Variants in ASPH observed in about 807,000 individuals in gnomAD.
ASPH encodes aspartyl/asparaginyl beta-hydroxylase.
A neutral mutation model predicts 118.4 loss-of-function variants in ASPH; 100 were observed. That is an observed-to-expected ratio of 0.84 (90% CI 0.72 to 1.00). The LOEUF (loss-of-function observed/expected upper bound fraction) is 1.00, where lower values mean the gene tolerates loss of function less well. Among genes scored for constraint, ASPH ranks in the 50% least tolerant of loss-of-function variants. ASPH has a pLI of 0.00. For synonymous variants in ASPH, 315 were observed against 325.6 expected, an observed-to-expected ratio of 0.97 and a Z score of 0.35; for missense variants, 920 against 919.5, an observed-to-expected ratio of 1.00 and a Z score of -0.01.
Position 61,714,538 on chromosome 8 carries a change from C to G in ASPH, c.-167G>C. The G allele has an allele frequency of 9.6e-7, 1 of 1,045,342 alleles. No homozygotes were observed. Among genetic ancestry groups the G allele is most frequent in the Admixed American group, 4.3e-5 (1 of 23,392 alleles). 64.8% of individuals were successfully genotyped at this position (1,045,342 alleles called of 1,614,324 possible). ...GCACCGCCTGCAGCACCTGGGAAGACTTCACCCGCCTGCCGGCTGCGCGCG... is the reference window on the plus strand; with the variant it reads ...GCACCGCCTGCAGCACCTGGGAAGAGTTCACCCGCCTGCCGGCTGCGCGCG... On this transcript the variant is annotated 5_prime_UTR_variant, in exon 1 of 25. Coordinates refer to ENST00000379454, the MANE Select transcript of ASPH (RefSeq NM_004318.4).
intron 14 of ASPH, among the ~76,000 whole-genome samples, chr8:61,593,517 C>T (rs1415479503): frequency 1.3e-5 from 2 of 152,216 alleles, no homozygotes; most frequent in Admixed American, 1.3e-4. Flanking sequence ...CTAACTTATA[C>T]AACCCAGTAA....
intron 3 of ASPH, 112 bp downstream of exon 3, chr8:61,680,856 G>A: frequency 1.3e-6 from 1 of 790,634 alleles, no homozygotes; most frequent in South Asian, 2.8e-5. Flanking sequence ...ATGATTTAAG[G>A]GAGAAAAGTC....
At chr8:61,683,094 T>C (rs1215625683) in intron 2 of ASPH, among the ~76,000 whole-genome samples, 1 of 152,066 alleles carries the variant, frequency 6.6e-6, no homozygotes, top group African/African-American at 2.4e-5. Context: ...CAAAAGATCA[T>C]ATAATGTATG....
At chr8:61,681,793 A>G (rs933294084) in intron 2 of ASPH, among the ~76,000 whole-genome samples, 3 of 151,930 alleles carry the variant, frequency 2.0e-5, no homozygotes, top group African/African-American at 7.2e-5. Flanking sequence ...AAACGTTTTT[A>G]GGCTTTAGTG....
intron 14 of ASPH, among the ~76,000 whole-genome samples, chr8:61,615,150 G>T (rs190650544): frequency 6.6e-6 from 1 of 152,086 alleles, no homozygotes; most frequent in African/African-American, 2.4e-5. Context: ...ATGCACTCCT[G>T]CACTCTCCCC....
intron 14 of ASPH, among the ~76,000 whole-genome samples, chr8:61,614,412 A>T (rs1218332376): frequency 6.6e-6 from 1 of 152,214 alleles, no homozygotes; most frequent in Non-Finnish European, 1.5e-5. Flanking sequence ...ACCTTTGATA[A>T]TATACTAAAT....
intron 13 of ASPH, among the ~76,000 whole-genome samples, chr8:61,622,323 C>T (rs935652029): frequency 2.0e-5 from 3 of 152,150 alleles, no homozygotes; most frequent in African/African-American, 4.8e-5. Context: ...GGTGACAGGG[C>T]GAGACTCTGA....
intron 10 of ASPH, among the ~76,000 whole-genome samples, chr8:61,642,039 T>A (rs1363110466): frequency 6.6e-6 from 1 of 152,208 alleles, no homozygotes; most frequent in Non-Finnish European, 1.5e-5. Flanking sequence ...GAAAATAAAA[T>A]CTACTTCATG....
intron 17 of ASPH, among the ~76,000 whole-genome samples, chr8:61,564,690 T>G (rs1177500480): frequency 6.6e-6 from 1 of 152,228 alleles, no homozygotes; most frequent in African/African-American, 2.4e-5. Context: ...GTGCTGCATG[T>G]TTTTGTTCTG....
chr8:61,657,916 T>A (rs956072369), intron 3 of ASPH: 1 of 152,220 alleles, frequency 6.6e-6, no homozygotes, highest in African/African-American at 2.4e-5. Context: ...AATTCAAAGG[T>A]GTACAGATGA....
At chr8:61,622,318 C>T (rs759949709) in intron 13 of ASPH, among the ~76,000 whole-genome samples, 1 of 152,170 alleles carries the variant, frequency 6.6e-6, no homozygotes, top group Non-Finnish European at 1.5e-5. Context: ...AGTCTGGTGA[C>T]AGGGCGAGAC....
intron 13 of ASPH, among the ~76,000 whole-genome samples, chr8:61,627,780 T>A (rs1461933631): frequency 6.6e-6 from 1 of 152,132 alleles, no homozygotes; most frequent in Non-Finnish European, 1.5e-5. Context: ...GAAGACCCCA[T>A]TCAGAAGTGG....
intron 13 of ASPH, among the ~76,000 whole-genome samples, chr8:61,619,654 C>T (rs1850225260): frequency 6.6e-6 from 1 of 152,166 alleles, no homozygotes; most frequent in Admixed American, 6.5e-5. Context: ...CCACCAACAG[C>T]CTAGACTAGC....
chr8:61,586,845 T>G (rs1264189194), intron 14 of ASPH, among the ~76,000 whole-genome samples: 1 of 152,140 alleles, frequency 6.6e-6, no homozygotes, highest in African/African-American at 2.4e-5. Flanking sequence ...AACTTGAAGT[T>G]CAGTTTCACT....
At chr8:61,698,969 A>G (rs1441576663) in intron 1 of ASPH, among the ~76,000 whole-genome samples, 9 of 152,212 alleles carry the variant, frequency 5.9e-5, no homozygotes, top group Admixed American at 5.9e-4. Flanking sequence ...TGGTTACTTC[A>G]GTGGGGTCTC....
intron 2 of ASPH, 34 bp from the exon 3 acceptor site, chr8:61,681,070 A>G: frequency 1.3e-6 from 2 of 1,509,570 alleles, no homozygotes; most frequent in South Asian, 2.6e-5. Context: ...ATATGGGAAT[A>G]AAAAAGAAAA....
At chr8:61,597,838 G>T (rs1842884506) in intron 14 of ASPH, among the ~76,000 whole-genome samples, 1 of 152,164 alleles carries the variant, frequency 6.6e-6, no homozygotes. Flanking sequence ...AAAACTGACA[G>T]AATTTATCAC....
In ASPH at chr8:61,633,744, A is replaced by C. The variant is rs760279423; in HGVS notation, c.890-17T>G. The C allele has an allele frequency of 5.7e-6, 9 of 1,571,814 alleles. No individual in the cohort carries two copies. The highest frequency in any genetic ancestry group is 7.8e-6 in the Non-Finnish European group (9 of 1,151,344). ...TGCTTACTTCTAAAATAAATAATAA[A>C]GTTATAATCTGTTACATATTGCTGA... On this transcript the variant is annotated splice_polypyrimidine_tract_variant and intron_variant, in intron 12 of 24. Coordinates refer to ENST00000379454, the MANE Select transcript of ASPH (RefSeq NM_004318.4).
chr8:61,650,906 G>A, intron 5 of ASPH, 144 bp downstream of exon 5: 1 of 722,460 alleles, frequency 1.4e-6, no homozygotes, highest in Non-Finnish European at 2.2e-6. Flanking sequence ...AACAACACCT[G>A]CTATCTAACT....
Sources: allele counts gnomAD v4.1 joint callset (sites outside exome capture counted in the v4.1 genomes callset), GRCh38; gene constraint gnomAD v4.1.1; transcripts MANE v1.5; gene names NCBI Gene and HGNC (gene_info 2026-07-23, HGNC 2026-07-21).